ZNRF2: variants seen among roughly 807,000 people sequenced by gnomAD.
ZNRF2 encodes E3 ubiquitin-protein ligase ZNRF2.
Under a neutral mutation model 20.4 loss-of-function variants are expected in ZNRF2, and 16 were observed. The ratio of observed to expected loss-of-function variants is 0.79; its 90% CI spans 0.53 to 1.19. The LOEUF (loss-of-function observed/expected upper bound fraction) is 1.19, where lower values mean the gene tolerates loss of function less well. ZNRF2 is among the 50% of genes most tolerant of loss of function. The pLI is 0.00. For synonymous variants in ZNRF2, 178 were observed against 144.9 expected (o/e 1.23, Z -1.64); for missense variants, 363 against 332.4 (o/e 1.09, Z -0.72).
chr7:30,356,159 G>C (rs573135616), intron 3 of ZNRF2, among the ~76,000 whole-genome samples: 2 of 152,210 alleles, frequency 1.3e-5, no homozygotes, highest in South Asian at 4.1e-4. Flanking sequence ...TTGCCCCAAG[G>C]TTACAAGGCT....
At chr7:30,288,710 A>G (rs2128054167) in intron 1 of ZNRF2, 1 of 152,372 alleles carries the variant, frequency 6.6e-6, no homozygotes, top group East Asian at 1.9e-4. Flanking sequence ...TTATATTTAT[A>G]TAGGAGTTTT....
intron 1 of ZNRF2, among the ~76,000 whole-genome samples, chr7:30,294,784 C>T (rs1798980797): frequency 6.6e-6 from 1 of 151,192 alleles, no homozygotes. Flanking sequence ...GACTCCATCT[C>T]AGAAAAAAAA....
At chr7:30,343,741 A>T (rs17352862) in intron 2 of ZNRF2, among the ~76,000 whole-genome samples, 5,607 of 150,142 alleles carry the variant, frequency 0.037, 335 homozygotes, top group African/African-American at 0.12. Flanking sequence ...TGCTTTTTGT[A>T]TACACAGTAC....
intron 2 of ZNRF2, among the ~76,000 whole-genome samples, chr7:30,335,830 A>G (rs147196818): frequency 6.6e-6 from 1 of 152,300 alleles, no homozygotes; most frequent in Non-Finnish European, 1.5e-5. Flanking sequence ...GAATTTGTTT[A>G]AAGACTAGTT....
intron 1 of ZNRF2, among the ~76,000 whole-genome samples, chr7:30,292,787 G>C (rs1798934779): frequency 6.6e-6 from 1 of 152,146 alleles, no homozygotes; most frequent in Non-Finnish European, 1.5e-5. Context: ...CTTACAGCTG[G>C]AGTGCAGAGG....
At chr7:30,304,155 T>TTA (rs1799163731) in intron 1 of ZNRF2, among the ~76,000 whole-genome samples, 1 of 152,172 alleles carries the variant, frequency 6.6e-6, no homozygotes, top group South Asian at 2.1e-4. Context: ...GCTGTTCACT[T>TTA]TATCTCTCTG....
chr7:30,314,181 A>C (rs558863160), intron 1 of ZNRF2, among the ~76,000 whole-genome samples: 51 of 152,354 alleles, frequency 3.3e-4, no homozygotes, highest in African/African-American at 1.1e-3. Context: ...AATTTAAAAG[A>C]GAAATTTTTA....
At chr7:30,298,470 A>G (rs1799054550) in intron 1 of ZNRF2, among the ~76,000 whole-genome samples, 1 of 152,086 alleles carries the variant, frequency 6.6e-6, no homozygotes, top group Non-Finnish European at 1.5e-5. Context: ...TTTCTTAGGG[A>G]TATTACTGTC....
At chr7:30,328,694 T>A (rs561085938) in intron 2 of ZNRF2, among the ~76,000 whole-genome samples, 2 of 152,262 alleles carry the variant, frequency 1.3e-5, no homozygotes, top group South Asian at 4.1e-4. Context: ...AACCTTCTTA[T>A]TTTTTTAAAT....
intron 1 of ZNRF2, among the ~76,000 whole-genome samples, chr7:30,286,544 G>T (rs1041351364): frequency 6.6e-6 from 1 of 152,238 alleles, no homozygotes; most frequent in Non-Finnish European, 1.5e-5. Flanking sequence ...TTGAAGAGCA[G>T]TGTTGACTAG....
intron 1 of ZNRF2, among the ~76,000 whole-genome samples, chr7:30,292,462 C>T (rs900035447): frequency 3.9e-5 from 6 of 152,006 alleles, no homozygotes; most frequent in Non-Finnish European, 7.3e-5. Context: ...AGATAAAAAT[C>T]CCTGCTTTTA....
At chr7:30,326,061 G>A (rs1011766502) in intron 2 of ZNRF2, among the ~76,000 whole-genome samples, 1 of 151,864 alleles carries the variant, frequency 6.6e-6, no homozygotes, top group African/African-American at 2.4e-5. Context: ...TTTACACACA[G>A]TCTTAGTATT....
intron 1 of ZNRF2, among the ~76,000 whole-genome samples, chr7:30,303,919 A>G (rs1437985334): frequency 6.6e-6 from 1 of 152,202 alleles, no homozygotes; most frequent in African/African-American, 2.4e-5. Context: ...TTCAGACTGT[A>G]AAAGCAGCAG....
chr7:30,353,788 A>AC (rs1194984917), intron 2 of ZNRF2, among the ~76,000 whole-genome samples: 1 of 152,088 alleles, frequency 6.6e-6, no homozygotes, highest in East Asian at 1.9e-4. Flanking sequence ...GCATATTATG[A>AC]CCATTGATGT....
In ZNRF2 at chr7:30,285,482, G is replaced by C. The variant is rs1798759299; in HGVS notation, c.125G>C (p.Arg42Pro). The change falls in exon 1 of 5, where the codon CGG becomes CCG. Residue 42 changes from arginine (R) to proline (P), a missense_variant. Coordinates refer to ENST00000323037, the MANE Select transcript of ZNRF2 (RefSeq NM_147128.4). ...NGTAGGGGGA[R>P]AAAAGRFPAQ... ...ACCGCGGGCGGCGGCGGGGGCGCTC[G>C]GGCCGCCGCCGCGGGGAGGTTCCCG... The C allele has an allele frequency of 9.2e-7, 1 of 1,091,096 alleles. No homozygotes were observed. Among genetic ancestry groups the C allele is most frequent in the Non-Finnish European group, 1.1e-6 (1 of 898,996 alleles). 67.6% of individuals were successfully genotyped at this position (1,091,096 alleles called of 1,614,324 possible).
At chr7:30,346,035 C>G (rs1444260384) in intron 2 of ZNRF2, among the ~76,000 whole-genome samples, 1 of 151,658 alleles carries the variant, frequency 6.6e-6, no homozygotes, top group Non-Finnish European at 1.5e-5. Context: ...TTTCGTTGGA[C>G]AGTCTTAATG....
intron 3 of ZNRF2, among the ~76,000 whole-genome samples, chr7:30,356,392 A>AT (rs1491133230): frequency 6.6e-6 from 1 of 152,188 alleles, no homozygotes; most frequent in Non-Finnish European, 1.5e-5. Context: ...TAGAGAAAAC[A>AT]GAGGAAATAA....
intron 2 of ZNRF2, among the ~76,000 whole-genome samples, chr7:30,354,038 A>G (rs1017373746): frequency 6.6e-6 from 1 of 151,876 alleles, no homozygotes; most frequent in African/African-American, 2.4e-5. Flanking sequence ...CTTGTTCCCT[A>G]TCTGAATCTC....
At chr7:30,299,166 G>A (rs1799067325) in intron 1 of ZNRF2, among the ~76,000 whole-genome samples, 1 of 152,042 alleles carries the variant, frequency 6.6e-6, no homozygotes, top group South Asian at 2.1e-4. Flanking sequence ...GGTGGCTCAC[G>A]CCTGTAATCC....
Sources: allele counts gnomAD v4.1 joint callset (sites outside exome capture counted in the v4.1 genomes callset), GRCh38; gene constraint gnomAD v4.1.1; transcripts MANE v1.5; gene names NCBI Gene and HGNC (gene_info 2026-07-23, HGNC 2026-07-21).